ATP10B: variants seen among roughly 807,000 people sequenced by gnomAD.
The protein encoded by ATP10B is ATPase phospholipid transporting 10B (putative).
A neutral mutation model predicts 141.2 loss-of-function variants in ATP10B; 122 were observed. The observed-to-expected ratio is 0.86, with a 90% CI of 0.75 to 1.00. ATP10B has a LOEUF of 1.00. ATP10B is among the 50% of genes least tolerant of loss of function. The pLI is 0.00. For synonymous variants in ATP10B, 685 were observed against 692.0 expected, an observed-to-expected ratio of 0.99 and a Z score of 0.16; for missense variants, 1,876 against 1,825.3, an observed-to-expected ratio of 1.03 and a Z score of -0.51.
chr5:160,862,588 G>T, the ATP10B span, among the ~76,000 whole-genome samples: 2 of 152,040 alleles, frequency 1.3e-5, no homozygotes, highest in South Asian at 4.1e-4. Context: ...AGCCTTTCAT[G>T]TCACTAACCT....
chr5:160,655,932 C>T (rs571532780), intron 7 of ATP10B, among the ~76,000 whole-genome samples: 8 of 152,152 alleles, frequency 5.3e-5, no homozygotes, highest in Non-Finnish European at 8.8e-5. Context: ...TCTTTGAGAG[C>T]GAAGGAAAGT....
chr5:160,816,816 C>G lies in ATP10B; in HGVS notation c.-575-31013G>C, dbSNP rs1460473971. Among the ~76,000 whole-genome samples, 31 of 152,214 alleles carry G rather than the reference C, an allele frequency of 2.0e-4. No individual in the cohort carries two copies. The East Asian group carries it at 5.2e-3, about 26-fold the overall frequency. On this transcript the variant is annotated intron_variant, in intron 1 of 25. Coordinates refer to ENST00000327245, the MANE Select transcript of ATP10B (RefSeq NM_025153.3). ...AAGCTTATCCGCCATGATCAAGTGG[C>G]CTTCATCCCTGGGATGCAAGGCTGG...
At chr5:160,576,675 G>C (rs1283872910) in intron 24 of ATP10B, among the ~76,000 whole-genome samples, 1 of 152,208 alleles carries the variant, frequency 6.6e-6, no homozygotes, top group Non-Finnish European at 1.5e-5. Context: ...CCTGAAGGAT[G>C]AGAAGAGAGC....
At chr5:160,812,195 C>A (rs1773227547) in intron 1 of ATP10B, among the ~76,000 whole-genome samples, 1 of 152,140 alleles carries the variant, frequency 6.6e-6, no homozygotes, top group Admixed American at 6.5e-5. Context: ...CTGTAAGAAC[C>A]ACAGTGTTAT....
chr5:160,679,988 A>G (rs140547021), intron 6 of ATP10B, among the ~76,000 whole-genome samples: 84 of 152,336 alleles, frequency 5.5e-4, no homozygotes, highest in African/African-American at 1.9e-3. Flanking sequence ...TCATTCCATA[A>G]ATCTGATTAA....
At chr5:160,798,749 T>A (rs1772142308) in intron 1 of ATP10B, among the ~76,000 whole-genome samples, 1 of 138,854 alleles carries the variant, frequency 7.2e-6, no homozygotes, top group Non-Finnish European at 1.5e-5. Context: ...TCTCTATTTT[T>A]TTTTTTTTTT....
At chr5:160,801,288 T>C (rs376678562) in intron 1 of ATP10B, among the ~76,000 whole-genome samples, 1 of 152,220 alleles carries the variant, frequency 6.6e-6, no homozygotes, top group East Asian at 1.9e-4. Flanking sequence ...CTCTGTCTTA[T>C]TGATCCTGCA....
intron 2 of ATP10B, among the ~76,000 whole-genome samples, chr5:160,779,291 A>G (rs1037439642): frequency 6.6e-6 from 1 of 152,108 alleles, no homozygotes; most frequent in African/African-American, 2.4e-5. Context: ...CCTACCCCCT[A>G]AGATTTACAC....
chr5:160,828,294 C>T (rs568886057), intron 1 of ATP10B, among the ~76,000 whole-genome samples: 2 of 152,036 alleles, frequency 1.3e-5, no homozygotes, highest in African/African-American at 2.4e-5. Flanking sequence ...TGGGAGAAAA[C>T]TTTTGCAACC....
At chr5:160,804,250 G>T (rs1404270462) in intron 1 of ATP10B, among the ~76,000 whole-genome samples, 1 of 152,110 alleles carries the variant, frequency 6.6e-6, no homozygotes, top group Non-Finnish European at 1.5e-5. Context: ...ATTGTAGTAT[G>T]CACTTCTCCT....
At position 160,649,228 on chromosome 5, in the gene ATP10B, T is replaced by C; in HGVS notation, c.704A>G (p.His235Arg). The C allele has an allele frequency of 6.2e-7, 1 of 1,614,016 alleles. No homozygotes were observed. Among genetic ancestry groups the C allele is most frequent in the Non-Finnish European group, 8.5e-7 (1 of 1,179,902 alleles). ...QEVQFEPELF[H>R]NTIVCEKPNN... is the part of the protein sequence containing the mutation. ...GGGTTTCTCACACACGATGGTATTG[T>C]GGAAAAGCTCTGGTTCGAACTGTAC... is the stretch of plus-strand genomic sequence containing the variant. Residue 235 changes from histidine (H) to arginine (R), a missense_variant, in exon 8 of 26, where the codon CAC becomes CGC. His to Arg is a conservative substitution (Grantham distance 29). Coordinates refer to ENST00000327245, the MANE Select transcript of ATP10B (RefSeq NM_025153.3).
In ATP10B at chr5:160,732,885, C is replaced by T. The variant is rs75131900; in HGVS notation, c.-330-15851G>A. Among the ~76,000 whole-genome samples the T allele has an allele frequency of 1.3e-3, 193 of 152,174 alleles. 3 individuals carry two copies. The East Asian group carries it at 0.026, about 21-fold the overall frequency. On this transcript the variant is annotated intron_variant, in intron 2 of 25. Transcript: ENST00000327245. ...AGAGACAGGGTCTTGCTCTGTTGCC[C>T]GTGCTACGGTGCAGTGGCACAATCA...
intron 1 of ATP10B, among the ~76,000 whole-genome samples, chr5:160,833,636 A>C (rs900341535): frequency 1.3e-5 from 2 of 152,194 alleles, no homozygotes; most frequent in South Asian, 4.1e-4. Flanking sequence ...TAGAATTAGA[A>C]GACAAATATT....
At chr5:160,857,207 T>C (rs1754021117), upstream of ATP10B, among the ~76,000 whole-genome samples, 3 of 151,808 alleles carry the variant, frequency 2.0e-5, no homozygotes, top group South Asian at 6.2e-4. Context: ...TTTTTGGAAG[T>C]TTTAAAATAA....
intron 2 of ATP10B, among the ~76,000 whole-genome samples, chr5:160,751,171 T>A (rs555097913): frequency 1.3e-5 from 2 of 152,316 alleles, no homozygotes; most frequent in South Asian, 4.1e-4. Flanking sequence ...AAGTGGACAC[T>A]CAATACATAT....
At chr5:160,752,832 C>T (rs1224940976) in intron 2 of ATP10B, among the ~76,000 whole-genome samples, 2 of 152,056 alleles carry the variant, frequency 1.3e-5, no homozygotes, top group Non-Finnish European at 2.9e-5. Flanking sequence ...AGTCAAAGAA[C>T]ATTTGGGGTT....
chr5:160,847,704 C>A (rs757528198), intron 1 of ATP10B, among the ~76,000 whole-genome samples: 20 of 152,106 alleles, frequency 1.3e-4, no homozygotes, highest in Non-Finnish European at 2.8e-4. Context: ...CACTTGACAG[C>A]AAAGGACAAA....
At chr5:160,805,766 C>T (rs191082616) in intron 1 of ATP10B, among the ~76,000 whole-genome samples, 14 of 152,264 alleles carry the variant, frequency 9.2e-5, no homozygotes, top group Admixed American at 7.8e-4. Context: ...CAGCCGGCTC[C>T]AGATTTAGGG....
At chr5:160,750,740 G>A (rs1768097051) in intron 2 of ATP10B, among the ~76,000 whole-genome samples, 1 of 152,074 alleles carries the variant, frequency 6.6e-6, no homozygotes, top group South Asian at 2.1e-4. Context: ...TATAATAAGT[G>A]ACGTCGTAAT....
Sources: gnomAD v4.1 joint callset for allele counts (sites outside exome capture counted in the v4.1 genomes callset) on GRCh38, gnomAD v4.1.1 for gene constraint, MANE v1.5 for transcripts, NCBI Gene and HGNC (gene_info 2026-07-23, HGNC 2026-07-21) for gene names.